The following ROBO2 variants were observed in gnomAD, a reference collection of about 807,000 sequenced individuals.
ROBO2 encodes roundabout homolog 2.
In ROBO2, 53 loss-of-function variants were observed where a neutral mutation model predicts 160.8. The ratio of observed to expected loss-of-function variants is 0.33; its 90% CI spans 0.26 to 0.41. The LOEUF is 0.41. ROBO2 is among the 10% of genes least tolerant of loss of function. ROBO2 has a pLI of 1.00. For synonymous variants in ROBO2, 664 were observed against 611.7 expected (o/e 1.09, Z -1.26); for missense variants, 1,577 against 1,722.4 (o/e 0.92, Z 1.49).
intron 2 of ROBO2, among the ~76,000 whole-genome samples, chr3:77,322,777 T>C (rs2064862407): frequency 7.3e-6 from 1 of 137,026 alleles, no homozygotes; most frequent in Non-Finnish European, 1.5e-5. Context: ...ATTATACATA[T>C]GTATTATAAT....
intron 2 of ROBO2, among the ~76,000 whole-genome samples, chr3:76,217,519 A>G (rs1420198355): frequency 6.6e-6 from 1 of 152,240 alleles, no homozygotes; most frequent in Non-Finnish European, 1.5e-5. Context: ...CTACCGTCAG[A>G]GAATACTATA....
At position 77,541,267 on chromosome 3, in the gene ROBO2, T is replaced by C. The variant is rs149300636; in HGVS notation, c.935-5071T>C. ...TGTTAAAACAACTCTGAACATGATG[T>C]GATTAACCTTTAGAGTCCCCCATCC... On this transcript the variant is annotated intron_variant, in intron 6 of 25. Transcript: ENST00000461745. 5.9e-4 allele frequency among the ~76,000 whole-genome samples: 90 copies of C among 152,270 alleles called. 1 individual carries two copies. Among genetic ancestry groups the C allele is most frequent in the African/African-American group, 2.1e-3 (87 of 41,536 alleles).
intron 2 of ROBO2, among the ~76,000 whole-genome samples, chr3:76,848,870 A>T (rs1030189985): frequency 6.6e-6 from 1 of 152,250 alleles, no homozygotes; most frequent in Non-Finnish European, 1.5e-5. Flanking sequence ...CATTCTGTCC[A>T]TAGCACAATT....
At chr3:76,154,902 C>A in intron 2 of ROBO2, among the ~76,000 whole-genome samples, 1 of 151,920 alleles carries the variant, frequency 6.6e-6, no homozygotes, top group East Asian at 1.9e-4. Context: ...ACTTTCTGGA[C>A]AAATATATAT....
intron 2 of ROBO2, among the ~76,000 whole-genome samples, chr3:76,225,482 A>G (rs1215463091): frequency 5.3e-5 from 8 of 152,198 alleles, no homozygotes; most frequent in South Asian, 4.1e-4. Context: ...TGGGAAGCCA[A>G]TGCAGGCAAA....
intron 2 of ROBO2, among the ~76,000 whole-genome samples, chr3:76,240,851 C>T (rs1303374545): frequency 6.6e-6 from 1 of 152,126 alleles, no homozygotes; most frequent in Non-Finnish European, 1.5e-5. Context: ...ACTACATAAT[C>T]CTAAGGTCAC....
intron 2 of ROBO2, among the ~76,000 whole-genome samples, chr3:76,103,728 C>T (rs1452563158): frequency 6.6e-6 from 1 of 152,160 alleles, no homozygotes; most frequent in Non-Finnish European, 1.5e-5. Context: ...ACCACGTTTC[C>T]TTTGCAGGCC....
At chr3:77,108,910 A>G (rs1395262542) in intron 2 of ROBO2, among the ~76,000 whole-genome samples, 1 of 152,108 alleles carries the variant, frequency 6.6e-6, no homozygotes, top group African/African-American at 2.4e-5. Flanking sequence ...AACCCAAGGG[A>G]GCACTGTTTG....
At chr3:76,255,548 A>G (rs1425651787) in intron 2 of ROBO2, among the ~76,000 whole-genome samples, 3 of 152,102 alleles carry the variant, frequency 2.0e-5, no homozygotes, top group Non-Finnish European at 4.4e-5. Flanking sequence ...ACATTGATGC[A>G]GAATTTCTGA....
At chr3:76,594,215 T>TG (rs1428470181) in intron 2 of ROBO2, among the ~76,000 whole-genome samples, 4 of 151,988 alleles carry the variant, frequency 2.6e-5, no homozygotes, top group African/African-American at 9.7e-5. Flanking sequence ...GCAGAGCTAG[T>TG]TGAGAGTAGG....
intron 2 of ROBO2, among the ~76,000 whole-genome samples, chr3:76,146,672 C>A (rs959062509): frequency 2.7e-5 from 4 of 149,736 alleles, no homozygotes; most frequent in Non-Finnish European, 5.9e-5. Flanking sequence ...TCCCCATTCT[C>A]ACTTAAAAGC....
At chr3:76,718,485 A>G (rs2093416658) in intron 2 of ROBO2, among the ~76,000 whole-genome samples, 1 of 152,198 alleles carries the variant, frequency 6.6e-6, no homozygotes, top group South Asian at 2.1e-4. Context: ...ACCCTTTCTT[A>G]GTTGAAAGAT....
intron 1 of ROBO2, among the ~76,000 whole-genome samples, chr3:77,068,659 G>A (rs1578691976): frequency 6.6e-6 from 1 of 151,968 alleles, no homozygotes; most frequent in East Asian, 1.9e-4. Flanking sequence ...AGAATGAATG[G>A]CAACAAAAGA....
rs2075715937 is a variant in ROBO2 at position 76,364,762 on chromosome 3, G to C, written c.109+427160G>C. On this transcript the variant is annotated intron_variant, in intron 2 of 26. Coordinates refer to the ROBO2 transcript ENST00000487694. ...CCTGCACAGTAACTCTTTTCCTTGA[G>C]AATTTCAAAACTTCATGTAGGCTGC... Among the ~76,000 whole-genome samples the C allele has an allele frequency of 2.0e-5, 3 of 152,098 alleles. No individual in the cohort carries two copies. In the South Asian group the frequency reaches 6.2e-4, roughly 32 times the overall value.
At chr3:77,405,279 A>T (rs1321442510) in intron 2 of ROBO2, among the ~76,000 whole-genome samples, 4 of 152,214 alleles carry the variant, frequency 2.6e-5, no homozygotes, top group African/African-American at 9.6e-5. Flanking sequence ...GATTTGATAC[A>T]TTTCATTGTA....
chr3:76,387,990 A>G (rs562432678), intron 2 of ROBO2, among the ~76,000 whole-genome samples: 61 of 152,216 alleles, frequency 4.0e-4, no homozygotes, highest in Non-Finnish European at 1.6e-4. Context: ...TACTATATCA[A>G]TATTCCAGAG....
At chr3:76,043,620 CAAA>C (rs56988287) in intron 2 of ROBO2, among the ~76,000 whole-genome samples, 6 of 38,434 alleles carry the variant, frequency 1.6e-4, no homozygotes, top group African/African-American at 5.0e-4. Context: ...CTTCATCGTC[CAAA>C]AAAAAAAAAA....
chr3:76,610,816 A>G (rs2088049264), intron 2 of ROBO2, among the ~76,000 whole-genome samples: 1 of 152,196 alleles, frequency 6.6e-6, no homozygotes, highest in South Asian at 2.1e-4. Flanking sequence ...CCTGCGGTCC[A>G]GCGAGCAGGA....
chr3:76,789,478 A>T (rs2063208143), intron 2 of ROBO2, among the ~76,000 whole-genome samples: 1 of 151,546 alleles, frequency 6.6e-6, no homozygotes, highest in Non-Finnish European at 1.5e-5. Flanking sequence ...GGCTCACAGG[A>T]TGTTGTGCAG....
Sources: gnomAD v4.1 joint callset for allele counts (sites outside exome capture counted in the v4.1 genomes callset) on GRCh38, gnomAD v4.1.1 for gene constraint, MANE v1.5 for transcripts, NCBI Gene and HGNC (gene_info 2026-07-23, HGNC 2026-07-21) for gene names.